Variants in ANKIB1 observed in about 807,000 individuals in gnomAD.
ANKIB1 encodes the protein ankyrin repeat and IBR domain-containing protein 1.
Under a neutral mutation model 122.1 loss-of-function variants are expected in ANKIB1, and 43 were observed. The observed-to-expected ratio is 0.35, with a 90% CI of 0.28 to 0.45. The LOEUF is 0.45. ANKIB1 is among the 20% of genes least tolerant of loss of function. ANKIB1 has a pLI of 1.00. For synonymous variants in ANKIB1, 390 were observed against 442.0 expected (o/e 0.88, Z 1.48); for missense variants, 992 against 1,329.5 (o/e 0.75, Z 3.95).
chr7:92,400,869 A>G lies in ANKIB1; in HGVS notation c.*1920A>G, dbSNP rs1243353249. On this transcript the variant is annotated 3_prime_UTR_variant, in exon 20 of 20. Transcript: ENST00000265742. ...AGTCCATTAAAGGATTTTTTTATAA[A>G]TTTATTTTGGATTAAAAATATCAAC... 1.3e-5 allele frequency: 2 copies of G among 152,204 alleles called. No homozygotes were observed. Among genetic ancestry groups the G allele is most frequent in the Non-Finnish European group, 2.9e-5 (2 of 68,042 alleles). 9.4% of individuals were successfully genotyped at this position (152,204 alleles called of 1,614,324 possible).
At chr7:92,315,536 G>A (rs574768174) in intron 3 of ANKIB1, among the ~76,000 whole-genome samples, 93 of 152,248 alleles carry the variant, frequency 6.1e-4, no homozygotes, top group African/African-American at 2.1e-3. Flanking sequence ...TGTTCAAAGA[G>A]ATGAGAACAA....
intron 1 of ANKIB1, among the ~76,000 whole-genome samples, chr7:92,291,405 T>G (rs1427851298): frequency 1.3e-5 from 2 of 152,110 alleles, no homozygotes; most frequent in Non-Finnish European, 2.9e-5. Flanking sequence ...CATGCCTGTT[T>G]CAAAATATCT....
At chr7:92,389,882 C>G (rs745873158) in intron 14 of ANKIB1, 89 bp from the exon 15 acceptor site, 1 of 1,387,282 alleles carries the variant, frequency 7.2e-7, no homozygotes. Flanking sequence ...CTTCTTTTTC[C>G]TTTTTTGAGA....
chr7:92,302,708 T>C (rs1416556191), intron 2 of ANKIB1, among the ~76,000 whole-genome samples: 2 of 152,214 alleles, frequency 1.3e-5, no homozygotes, highest in African/African-American at 4.8e-5. Context: ...TCAAAGTCTG[T>C]AGCTTTGAGG....
At position 92,393,024 on chromosome 7, in the gene ANKIB1, T is replaced by C. The variant is rs138596344; in HGVS notation, c.2283+732T>C. Among the ~76,000 whole-genome samples the C allele has an allele frequency of 3.9e-3, 599 of 152,214 alleles. 9 individuals are homozygous for C. Among genetic ancestry groups the C allele is most frequent in the Middle Eastern group, 0.027 (8 of 294 alleles). On this transcript the variant is annotated intron_variant, in intron 17 of 19. Coordinates refer to ENST00000265742, the MANE Select transcript of ANKIB1 (RefSeq NM_019004.2). ...CTTCTCTCTTTCCATCCTTGCTCTT[T>C]ATTAAACAGTATTTGATGCCTATAA...
chr7:92,258,177 A>C (rs1021372994), intron 1 of ANKIB1, among the ~76,000 whole-genome samples: 1 of 152,196 alleles, frequency 6.6e-6, no homozygotes, highest in African/African-American at 2.4e-5. Flanking sequence ...AAACAGGGAA[A>C]CTCAGAGGGG....
chr7:92,288,849 GA>G lies in ANKIB1; in HGVS notation c.-90-6029del, dbSNP rs538444750. Reference sequence around the variant, plus strand: ...ATCCATTATAATGGCTACCAAAAAAGAAAAAAAAAAATCCTACTAACTAGAA... The same window carrying G: ...ATCCATTATAATGGCTACCAAAAAAGAAAAAAAAAATCCTACTAACTAGAA... On this transcript the variant is annotated intron_variant, in intron 1 of 19. Coordinates refer to ENST00000265742, the MANE Select transcript of ANKIB1 (RefSeq NM_019004.2). 3.4e-3 allele frequency among the ~76,000 whole-genome samples: 501 copies of G among 145,704 alleles called. 6 individuals are homozygous for G. The highest frequency in any genetic ancestry group is 0.01 in the African/African-American group (413 of 39,860).
intron 3 of ANKIB1, among the ~76,000 whole-genome samples, chr7:92,307,969 A>G (rs1173035157): frequency 6.6e-6 from 1 of 151,630 alleles, no homozygotes; most frequent in Non-Finnish European, 1.5e-5. Context: ...ACGCGCCACA[A>G]TTAGCCCAGC....
chr7:92,266,466 G>A (rs1585078621), intron 1 of ANKIB1, among the ~76,000 whole-genome samples: 1 of 152,266 alleles, frequency 6.6e-6, no homozygotes, highest in East Asian at 1.9e-4. Context: ...AAATCTGAAA[G>A]AGGCCCCCCT....
chr7:92,386,398 C>T (rs970561129), intron 11 of ANKIB1, 111 bp from the exon 12 acceptor site: 27 of 1,188,010 alleles, frequency 2.3e-5, no homozygotes, highest in Non-Finnish European at 2.5e-5. Context: ...AGATTTATTA[C>T]TGGTCACACA....
intron 5 of ANKIB1, among the ~76,000 whole-genome samples, chr7:92,329,000 C>T (rs532751889): frequency 6.8e-6 from 1 of 147,830 alleles, no homozygotes; most frequent in Admixed American, 6.7e-5. Flanking sequence ...CAGAGTCTTG[C>T]TCTGTTGCCC....
At chr7:92,278,193 GTGAGCTA>G (rs1304293015) in intron 1 of ANKIB1, among the ~76,000 whole-genome samples, 3 of 152,090 alleles carry the variant, frequency 2.0e-5, no homozygotes, top group African/African-American at 7.2e-5. Context: ...CAAGGTTTCA[GTGAGCTA>G]TGATCACACC....
At chr7:92,267,391 TTA>T (rs1306047611) in intron 1 of ANKIB1, among the ~76,000 whole-genome samples, 2 of 152,144 alleles carry the variant, frequency 1.3e-5, no homozygotes, top group African/African-American at 2.4e-5. Context: ...CCAGTAAAAA[TTA>T]TGTCTCCCAA....
chr7:92,388,049 ATAAGTTG>A lies in ANKIB1; in HGVS notation c.1906+11_1906+17del, dbSNP rs749706705. On this transcript the variant is annotated intron_variant, in intron 14 of 19. Transcript: ENST00000265742. The stretch of plus-strand genomic sequence containing the variant: ...GCAGAGCTCTCAAAGAAAGTAAGTT[ATAAGTTG>A]TATGTGTGATAATTAATATAAAATA... 23 of 1,556,248 alleles carry A rather than the reference ATAAGTTG, an allele frequency of 1.5e-5. No homozygotes were observed. The highest frequency in any genetic ancestry group is 1.8e-5 in the Non-Finnish European group (21 of 1,148,538).
chr7:92,275,891 C>CT (rs1801892205), intron 1 of ANKIB1, among the ~76,000 whole-genome samples: 1 of 152,044 alleles, frequency 6.6e-6, no homozygotes, highest in African/African-American at 2.4e-5. Flanking sequence ...CTTTGTGTAC[C>CT]TGTTATAGGA....
At chr7:92,368,963 G>C (rs1334615122) in intron 10 of ANKIB1, among the ~76,000 whole-genome samples, 5 of 152,114 alleles carry the variant, frequency 3.3e-5, no homozygotes, top group Non-Finnish European at 7.4e-5. Flanking sequence ...ATGGCTTTGT[G>C]CTTTATTTAT....
chr7:92,309,942 A>AAAAAAAAAAAT (rs1335765681), intron 3 of ANKIB1, among the ~76,000 whole-genome samples: 4 of 91,790 alleles, frequency 4.4e-5, no homozygotes, highest in East Asian at 4.6e-4. Context: ...AAAAAAAAAA[A>AAAAAAAAAAAT]ATATATATAT....
chr7:92,325,919 T>C, intron 4 of ANKIB1: 1 of 442,080 alleles, frequency 2.3e-6, no homozygotes, highest in South Asian at 1.6e-5. Flanking sequence ...TTTTCTTTCT[T>C]TATGTCAGTA....
At chr7:92,381,207 A>T (rs1338343858) in intron 11 of ANKIB1, among the ~76,000 whole-genome samples, 1 of 152,206 alleles carries the variant, frequency 6.6e-6, no homozygotes, top group Non-Finnish European at 1.5e-5. Context: ...AGTAAAAAGA[A>T]ATGAACGAAG....
Sources: allele counts gnomAD v4.1 joint callset (sites outside exome capture counted in the v4.1 genomes callset), GRCh38; gene constraint gnomAD v4.1.1; transcripts MANE v1.5; gene names NCBI Gene and HGNC (gene_info 2026-07-23, HGNC 2026-07-21).